The following AVEN variants were observed in gnomAD, a reference collection of about 807,000 sequenced individuals.
The protein encoded by AVEN is apoptosis and caspase activation inhibitor.
AVEN carries 41 observed loss-of-function variants against 38.1 expected under a neutral mutation model. The observed-to-expected ratio is 1.08, with a 90% CI of 0.84 to 1.40. AVEN has a LOEUF of 1.40. AVEN is among the 40% of genes most tolerant of loss of function. The probability of loss-of-function intolerance (pLI) is 0.00; values close to 1 mark genes in which losing one functional copy is unlikely to be tolerated. For synonymous variants in AVEN, 206 were observed against 171.8 expected (o/e 1.20, Z -1.56); for missense variants, 605 against 438.8 (o/e 1.38, Z -3.38).
Position 34,038,859 on chromosome 15 carries a change from CGAGCG to C in AVEN, c.183_187del (p.Ala62ArgfsTer28). 1 of 1,157,140 alleles carries C rather than the reference CGAGCG, an allele frequency of 8.6e-7. No homozygotes were observed. Among genetic ancestry groups the C allele is most frequent in the African/African-American group, 1.7e-5 (1 of 60,508 alleles). The allele number at this position is 1,157,140 out of a possible 1,614,324, so 71.7% of individuals were successfully genotyped here. A position where few individuals can be genotyped will look rare whatever the true frequency, so the allele number is the denominator to read the frequency against. On this transcript the variant is annotated frameshift_variant, in exon 1 of 6. Transcript: ENST00000306730. LOFTEE classifies it high-confidence loss of function. Reference sequence around the variant, plus strand: ...GGCGCCTCCTCCTCCTCGGCCTCCGCGAGCGCCGCGGAAGCCCCGGCCACGGCCAC... The same window carrying C: ...GGCGCCTCCTCCTCCTCGGCCTCCGCCCGCGGAAGCCCCGGCCACGGCCAC...
intron 2 of AVEN, among the ~76,000 whole-genome samples, chr15:33,961,610 G>C (rs1034044856): frequency 5.9e-5 from 9 of 151,508 alleles, no homozygotes; most frequent in Non-Finnish European, 1.0e-4. Flanking sequence ...TCAGGAGATC[G>C]AGACCATTCT....
upstream of AVEN, chr15:34,039,225 G>A: frequency 4.8e-6 from 2 of 414,968 alleles, no homozygotes; most frequent in Non-Finnish European, 6.6e-6. Context: ...GGGGCGGGGC[G>A]GCCGGCGTCC....
intron 2 of AVEN, among the ~76,000 whole-genome samples, chr15:33,904,694 A>AAATATATATAT (rs1464894437): frequency 1.8e-5 from 2 of 112,746 alleles, no homozygotes; most frequent in African/African-American, 5.8e-5. Context: ...AAAAAAAAAA[A>AAATATATATAT]ATATATATAT....
chr15:34,058,555 A>AACACACACACACAC (rs3027963), intron 5 of AVEN, among the ~76,000 whole-genome samples: 139 of 143,282 alleles, frequency 9.7e-4, no homozygotes, highest in East Asian at 3.8e-3. Context: ...CTTTAATTCT[A>AACACACACACACAC]ACACACACAC....
chr15:33,983,250 A>C (rs1842462342), intron 2 of AVEN, among the ~76,000 whole-genome samples: 1 of 130,722 alleles, frequency 7.6e-6, no homozygotes. Context: ...ACACACATAT[A>C]TATGGCTTCT....
Position 34,063,839 on chromosome 15 carries a change from G to C in AVEN, n.1127-407C>G. On this transcript the variant is annotated intron_variant and non_coding_transcript_variant, in intron 4 of 11. Transcript: ENST00000675287. The surrounding 1 kb of genome is among the most constrained non-coding windows in gnomAD (Gnocchi z 4.1). ...CAGCTGCTCATAGACCCAAGAGTCA[G>C]AAATGTGTGGCCTATAAGTTCCGAT... is the stretch of plus-strand genomic sequence containing the variant. The C allele has an allele frequency of 6.2e-7, 1 of 1,614,194 alleles. No homozygotes were observed. Among genetic ancestry groups the C allele is most frequent in the Non-Finnish European group, 8.5e-7 (1 of 1,180,040 alleles).
At chr15:33,867,347 G>C in intron 5 of AVEN, 148 bp downstream of exon 5, 1 of 1,171,306 alleles carries the variant, frequency 8.5e-7, no homozygotes, top group South Asian at 1.8e-5. Flanking sequence ...GGGGGAAGCA[G>C]AGACGTGAGC....
At chr15:33,945,807 G>T (rs190828271) in intron 2 of AVEN, among the ~76,000 whole-genome samples, 235 of 152,142 alleles carry the variant, frequency 1.5e-3, no homozygotes, top group Non-Finnish European at 2.0e-3. Flanking sequence ...GGATAGTCTC[G>T]ATCTCCTGAC....
downstream of AVEN, chr15:33,865,688 C>G (rs1890273264): frequency 6.4e-6 from 1 of 155,760 alleles, no homozygotes; most frequent in Non-Finnish European, 1.4e-5. Context: ...ATGGTACTTG[C>G]TAGTGACTGT....
downstream of AVEN, chr15:33,856,472 G>C (rs2079672596): frequency 6.6e-6 from 1 of 152,270 alleles, no homozygotes; most frequent in Non-Finnish European, 1.5e-5. Flanking sequence ...CTGGAAGTAA[G>C]CGTGCCCTAG....
intron 2 of AVEN, among the ~76,000 whole-genome samples, chr15:33,896,232 GA>G (rs1258657402): frequency 6.6e-6 from 1 of 152,130 alleles, no homozygotes; most frequent in African/African-American, 2.4e-5. Context: ...ACAGACGCAG[GA>G]AAATAATGGC....
chr15:34,015,536 TAATACAATCTC>T (rs927050156), intron 1 of AVEN, among the ~76,000 whole-genome samples: 2 of 152,158 alleles, frequency 1.3e-5, no homozygotes, highest in Admixed American at 6.5e-5. Flanking sequence ...TGTTTTATTA[TAATACAATCTC>T]ACTGTTTTAG....
At chr15:33,864,738 CATTCAATGGG>C, downstream of AVEN, 1 of 190,048 alleles carries the variant, frequency 5.3e-6, no homozygotes. Context: ...ACAGTTCACT[CATTCAATGGG>C]AGAGGTACCT....
chr15:33,861,005 TA>T (rs1887996728), intron 11 of AVEN: 1 of 1,160,856 alleles, frequency 8.6e-7, no homozygotes, highest in African/African-American at 1.5e-5. Context: ...TTCAATTCGA[TA>T]GAATCATGAC....
chr15:33,995,465 T>G lies in AVEN; in HGVS notation c.445+7567A>C, dbSNP rs190246815. Among the ~76,000 whole-genome samples, 24 of 152,352 alleles carry G rather than the reference T, an allele frequency of 1.6e-4. No homozygotes were observed. In the East Asian group the frequency reaches 4.2e-3, roughly 27 times the overall value. The stretch of plus-strand genomic sequence containing the variant: ...TATATGCAAATATTTTGCCATTTTA[T>G]ATCAGAGACTTAGCATTCCTAGATT... On this transcript the variant is annotated intron_variant, in intron 2 of 5. Transcript: ENST00000306730.
chr15:34,047,489 C>T (rs1899751473), intron 5 of AVEN, among the ~76,000 whole-genome samples: 1 of 152,202 alleles, frequency 6.6e-6, no homozygotes, highest in South Asian at 2.1e-4. Flanking sequence ...CAGCATCTTT[C>T]TGCAGGCCCC....
chr15:33,859,880 T>C (rs568176829), intron 11 of AVEN: 8 of 890,064 alleles, frequency 9.0e-6, no homozygotes. Flanking sequence ...CTACTATACC[T>C]GAGGCTTTGG....
chr15:34,057,865 A>G (rs1900212799), intron 5 of AVEN, among the ~76,000 whole-genome samples: 1 of 152,240 alleles, frequency 6.6e-6, no homozygotes, highest in South Asian at 2.1e-4. Flanking sequence ...ACCAATGCCA[A>G]ATTGTGATAT....
intron 2 of AVEN, among the ~76,000 whole-genome samples, chr15:33,944,162 C>A (rs986473312): frequency 1.3e-5 from 2 of 152,226 alleles, no homozygotes; most frequent in African/African-American, 4.8e-5. Context: ...AAGACCCACA[C>A]GAGTCTGAAT....
Sources: allele counts gnomAD v4.1 joint callset (sites outside exome capture counted in the v4.1 genomes callset), GRCh38; gene constraint gnomAD v4.1.1; non-coding constraint Gnocchi (gnomAD v3.1); transcripts MANE v1.5; gene names NCBI Gene and HGNC (gene_info 2026-07-23, HGNC 2026-07-21).